OSBPL3: variants seen among roughly 807,000 people sequenced by gnomAD.
OSBPL3 encodes oxysterol-binding protein-related protein 3.
In OSBPL3, 65 loss-of-function variants were observed where a neutral mutation model predicts 120.1. That is an observed-to-expected ratio of 0.54 (90% CI 0.44 to 0.67). OSBPL3 has a LOEUF of 0.67. Ranked by LOEUF, OSBPL3 falls within the 30% of genes least tolerant of loss-of-function variation. OSBPL3 has a pLI of 0.00. For missense variants in OSBPL3, 1,004 were observed against 1,082.1 expected, an observed-to-expected ratio of 0.93 and a Z score of 1.01; for synonymous variants, 416 against 402.6, an observed-to-expected ratio of 1.03 and a Z score of -0.40.
At position 24,855,659 on chromosome 7, in the gene OSBPL3, G is replaced by A. The variant is rs918022568; in HGVS notation, c.1028-3025C>T. Among the ~76,000 whole-genome samples the A allele has an allele frequency of 6.6e-6, 1 of 152,150 alleles. No homozygotes were observed. The highest frequency in any genetic ancestry group is 1.5e-5 in the Non-Finnish European group (1 of 68,034). On this transcript the variant is annotated intron_variant, in intron 10 of 22. Transcript: ENST00000313367. The surrounding 1 kb of genome is among the most constrained non-coding windows in gnomAD (Gnocchi z 4.3). ...GCCACACACAGGGCAATGATCAGAG[G>A]TTGCTCATGAGAGACCACATTTATA... is the stretch of plus-strand genomic sequence containing the variant.
At position 24,862,355 on chromosome 7, in the gene OSBPL3, G is replaced by A. The variant is rs1018369321; in HGVS notation, c.871-586C>T. Among the ~76,000 whole-genome samples the A allele has an allele frequency of 6.6e-6, 1 of 152,226 alleles. No individual in the cohort carries two copies. The highest frequency in any genetic ancestry group is 1.5e-5 in the Non-Finnish European group (1 of 68,046). ...TAGGTTGAAAATGACAGCTAAAGCTGCCAGGCTTTCTCATTTATACTCAAT... is the reference window on the plus strand; with the variant it reads ...TAGGTTGAAAATGACAGCTAAAGCTACCAGGCTTTCTCATTTATACTCAAT... On this transcript the variant is annotated intron_variant, in intron 9 of 22. Transcript: ENST00000313367. This position sits in a 1 kb window ranked among gnomAD's most constrained non-coding sequence, Gnocchi z 4.4.
chr7:24,870,637 G>A (rs1178910306), intron 5 of OSBPL3, 95 bp downstream of exon 5: 2 of 766,638 alleles, frequency 2.6e-6, no homozygotes, highest in Middle Eastern at 2.3e-4. Flanking sequence ...TCTTCTACAT[G>A]TTGGCCGAAT....
At chr7:24,956,999 A>T (rs551571274) in intron 1 of OSBPL3, among the ~76,000 whole-genome samples, 6 of 152,208 alleles carry the variant, frequency 3.9e-5, no homozygotes, top group Non-Finnish European at 7.3e-5. Flanking sequence ...TCTGCTCATC[A>T]GTATAACTAG....
At position 24,879,231 on chromosome 7, in the gene OSBPL3, T is replaced by A. The variant is rs1045761947; in HGVS notation, c.97-7162A>T. Among the ~76,000 whole-genome samples, 3 of 152,190 alleles carry A rather than the reference T, an allele frequency of 2.0e-5. No homozygotes were observed. Among genetic ancestry groups the A allele is most frequent in the African/African-American group, 7.2e-5 (3 of 41,444 alleles). On this transcript the variant is annotated intron_variant, in intron 2 of 22. Transcript: ENST00000313367. This position sits in a 1 kb window ranked among gnomAD's most constrained non-coding sequence, Gnocchi z 5.6. ...GAGATCCTTTCTAAATCTTCTATCATAAACTCATGTCATACTAAACAGCAG... is the reference window on the plus strand; with the variant it reads ...GAGATCCTTTCTAAATCTTCTATCAAAAACTCATGTCATACTAAACAGCAG...
In OSBPL3 at chr7:24,854,490, ACACACACACACG is replaced by A. The variant is rs765073321; in HGVS notation, c.1028-1868_1028-1857del. 0.012 allele frequency among the ~76,000 whole-genome samples: 1,235 copies of A among 99,426 alleles called. 9 individuals are homozygous for A. Among genetic ancestry groups the A allele is most frequent in the Non-Finnish European group, 0.018 (920 of 52,474 alleles). The allele number at this position is 99,426 out of a possible 152,430, so 65.2% of individuals were successfully genotyped here. A position where few individuals can be genotyped will look rare whatever the true frequency, so the allele number is the denominator to read the frequency against. On this transcript the variant is annotated intron_variant, in intron 10 of 22. Transcript: ENST00000313367. This position sits in a 1 kb window ranked among gnomAD's most constrained non-coding sequence, Gnocchi z 4.1. ...TCTTAACAAAGTCACAACAATTTGT[ACACACACACACG>A]CACACACACACACACACACACACAC...
At chr7:24,859,454 T>A (rs6942762) in intron 10 of OSBPL3, among the ~76,000 whole-genome samples, 10,128 of 152,286 alleles carry the variant, frequency 0.067, 559 homozygotes, top group African/African-American at 0.14. Context: ...TACCTATATA[T>A]GCCCGAAATA....
intron 1 of OSBPL3, among the ~76,000 whole-genome samples, chr7:24,949,322 A>T (rs1397640582): frequency 6.6e-6 from 1 of 152,180 alleles, no homozygotes; most frequent in Non-Finnish European, 1.5e-5. Context: ...TCATATTTTA[A>T]TATCTCTGAC....
intron 1 of OSBPL3, among the ~76,000 whole-genome samples, chr7:24,909,955 C>A (rs1398914919): frequency 6.6e-6 from 1 of 151,824 alleles, no homozygotes; most frequent in African/African-American, 2.4e-5. Flanking sequence ...CAGGCACACA[C>A]CACCATGCCC....
chr7:24,807,815 C>T (rs918548768), intron 20 of OSBPL3, among the ~76,000 whole-genome samples: 2 of 152,110 alleles, frequency 1.3e-5, no homozygotes, highest in East Asian at 1.9e-4. Context: ...TGTATAAATC[C>T]AATGTAGACT....
rs747693026 is a variant in OSBPL3 at position 24,820,193 on chromosome 7, T to G, written c.1930A>C (p.Asn644His). ...ACATTACCTTGCCAGAAAACAAAAT[T>G]TCTAGACTCAGCATGACACGCAGAG... ...PISACHAESR[N>H]FVFWQDVRWK... Residue 644 changes from asparagine to histidine, a missense_variant, in exon 17 of 23, where the codon AAT (asparagine) becomes CAT (histidine). Asn to His is a moderately conservative substitution (Grantham distance 68). This residue lies in a region of OSBPL3 where 473 missense variants were observed against 568.0 expected (regional missense o/e 0.83). Coordinates refer to ENST00000313367, the MANE Select transcript of OSBPL3 (RefSeq NM_015550.4). This position sits in a 1 kb window ranked among gnomAD's most constrained non-coding sequence, Gnocchi z 4.6. 6 of 1,612,102 alleles carry G rather than the reference T, an allele frequency of 3.7e-6. No homozygotes were observed. The South Asian group carries it at 6.6e-5, about 18-fold the overall frequency.
chr7:24,850,285 C>A (rs2128224650), intron 11 of OSBPL3, among the ~76,000 whole-genome samples: 1 of 152,314 alleles, frequency 6.6e-6, no homozygotes, highest in Non-Finnish European at 1.5e-5. Flanking sequence ...TTCCTTCACG[C>A]TGATACTCCT....
chr7:24,806,105 T>C lies in OSBPL3; in HGVS notation c.2444+671A>G, dbSNP rs1482692333. On this transcript the variant is annotated intron_variant, in intron 21 of 22. Transcript: ENST00000313367. This position sits in a 1 kb window ranked among gnomAD's most constrained non-coding sequence, Gnocchi z 5.2. The stretch of plus-strand genomic sequence containing the variant: ...CCAAGTAGTTGGGACTACGGGCATG[T>C]GCCACCACGCCTGGCTAATTTTTGT... 6.6e-6 allele frequency among the ~76,000 whole-genome samples: 1 copy of C among 152,186 alleles called. No individual in the cohort carries two copies. Among genetic ancestry groups the C allele is most frequent in the Non-Finnish European group, 1.5e-5 (1 of 68,026 alleles).
chr7:24,931,664 GT>G (rs138617840), intron 1 of OSBPL3, among the ~76,000 whole-genome samples: 7,989 of 152,036 alleles, frequency 0.053, 454 homozygotes, highest in East Asian at 0.26. Context: ...ATAAAATTGT[GT>G]TAGTTTAAGT....
At chr7:24,882,392 G>T (rs1584490864) in intron 2 of OSBPL3, among the ~76,000 whole-genome samples, 2 of 152,080 alleles carry the variant, frequency 1.3e-5, no homozygotes, top group African/African-American at 4.8e-5. Flanking sequence ...TTAAGATAAT[G>T]ACCTGGTCCA....
In OSBPL3 at chr7:24,896,640, T is replaced by C; in HGVS notation, c.-149-4019A>G. Among the ~76,000 whole-genome samples the C allele has an allele frequency of 6.6e-6, 1 of 152,226 alleles. No individual in the cohort carries two copies. Among genetic ancestry groups the C allele is most frequent in the East Asian group, 1.9e-4 (1 of 5,198 alleles). ...GGTGACATCACATACTATATATGTG[T>C]GCTGGAAGGAGTCAGACCTAGGTTT... On this transcript the variant is annotated intron_variant, in intron 1 of 22. Coordinates refer to ENST00000313367, the MANE Select transcript of OSBPL3 (RefSeq NM_015550.4). This position sits in a 1 kb window ranked among gnomAD's most constrained non-coding sequence, Gnocchi z 4.4.
chr7:24,834,746 A>T lies in OSBPL3; in HGVS notation c.1496-10T>A. 6.3e-7 allele frequency: 1 copy of T among 1,589,388 alleles called. No homozygotes were observed. Among genetic ancestry groups the T allele is most frequent in the Non-Finnish European group, 8.5e-7 (1 of 1,171,060 alleles). ...CTATCAAGGACAGGCCCTGAAAGGG[A>T]AAGAGGCCTGGTTGTCTCTATAAAG... On this transcript the variant is annotated splice_polypyrimidine_tract_variant and intron_variant, in intron 14 of 22. Coordinates refer to ENST00000313367, the MANE Select transcript of OSBPL3 (RefSeq NM_015550.4). This position sits in a 1 kb window ranked among gnomAD's most constrained non-coding sequence, Gnocchi z 5.2.
At position 24,974,618 on chromosome 7, in the gene OSBPL3, T is replaced by C. The variant is rs533856941; in HGVS notation, c.-150+5268A>G. On this transcript the variant is annotated intron_variant, in intron 1 of 22. Coordinates refer to ENST00000313367, the MANE Select transcript of OSBPL3 (RefSeq NM_015550.4). ...CCAGTCCCGTCAGCTAGCAAATAGA[T>C]AAATAAAACCGTGGTATATACATAC... 2.6e-5 allele frequency among the ~76,000 whole-genome samples: 4 copies of C among 152,230 alleles called. No homozygotes were observed. The East Asian group carries it at 7.7e-4, about 29-fold the overall frequency.
chr7:24,861,674 G>A lies in OSBPL3; in HGVS notation c.966C>T (p.Gly322=). ...TAGAAAACTCTGATGAGGTTTCAGA[G>A]CCATCAGAATAATTTTTCTCTTCTC... ...DFGEEKNYSD[G]SETSSEFSKM... The change falls in exon 10 of 23, where the codon GGC becomes GGT. Residue 322 remains glycine (G), a synonymous_variant. Coordinates refer to ENST00000313367, the MANE Select transcript of OSBPL3 (RefSeq NM_015550.4). 6.2e-7 allele frequency: 1 copy of A among 1,610,054 alleles called. No homozygotes were observed. The highest frequency in any genetic ancestry group is 1.1e-5 in the South Asian group (1 of 90,884).
At chr7:24,875,562 T>A (rs1802727913) in intron 2 of OSBPL3, among the ~76,000 whole-genome samples, 2 of 152,222 alleles carry the variant, frequency 1.3e-5, no homozygotes, top group South Asian at 4.1e-4. Flanking sequence ...ATAATGAATA[T>A]CATTTGGACA....
Sources: allele counts gnomAD v4.1 joint callset (sites outside exome capture counted in the v4.1 genomes callset), GRCh38; gene constraint gnomAD v4.1.1; regional missense constraint gnomAD v4.1.1; non-coding constraint Gnocchi (gnomAD v3.1); transcripts MANE v1.5; gene names NCBI Gene and HGNC (gene_info 2026-07-23, HGNC 2026-07-21).